Variants in ZNF57 observed in about 807,000 individuals in gnomAD.
The protein encoded by ZNF57 is zinc finger protein 57.
Under a neutral mutation model 13.4 loss-of-function variants are expected in ZNF57, and 11 were observed. The ratio of observed to expected loss-of-function variants is 0.82; its 90% CI spans 0.52 to 1.36. The LOEUF (loss-of-function observed/expected upper bound fraction) is 1.36. ZNF57 is among the 40% of genes most tolerant of loss of function. ZNF57 has a pLI of 0.00. For missense variants in ZNF57, 696 were observed against 667.5 expected (o/e 1.04, Z -0.47); for synonymous variants, 224 against 238.5 (o/e 0.94, Z 0.56).
Position 2,917,148 on chromosome 19 carries a change from C to A in ZNF57, c.527C>A (p.Ala176Asp), listed in dbSNP as rs375099567. 2.5e-6 allele frequency: 4 copies of A among 1,614,014 alleles called. No homozygotes were observed. Among genetic ancestry groups the A allele is most frequent in the African/African-American group, 1.3e-5 (1 of 74,906 alleles). The change falls in exon 4 of 4, where the codon GCC becomes GAC. Residue 176 changes from alanine to aspartate, a missense_variant. By Grantham distance (126) the Ala-to-Asp change is moderately radical. This residue lies in a region of ZNF57 where 645 missense variants were observed against 591.5 expected (regional missense o/e 1.09). Coordinates refer to ENST00000306908, the MANE Select transcript of ZNF57 (RefSeq NM_173480.3). ...CCTCCAGGTGAGGAATGTAAGCAGG[C>A]CTGCATTTGTCCCTCACACCTACAC... ...KAPPGEECKQ[A>D]CICPSHLHSH...
chr19:2,912,292 G>A (rs975425415), intron 1 of ZNF57: 3 of 152,216 alleles, frequency 2.0e-5, no homozygotes, highest in African/African-American at 7.2e-5. Context: ...ACCCCAACAG[G>A]TGAGGCTCTG....
Position 2,901,375 on chromosome 19 carries a change from G to T in ZNF57, c.3+327G>T, listed in dbSNP as rs965482394. ...GGGGACGGCAAGGGACGGTCAGCAGGTTGGGGATGTTACGCGTGTCCGTAT... is the reference window on the plus strand; with the variant it reads ...GGGGACGGCAAGGGACGGTCAGCAGTTTGGGGATGTTACGCGTGTCCGTAT... On this transcript the variant is annotated intron_variant, in intron 1 of 3. Coordinates refer to ENST00000306908, the MANE Select transcript of ZNF57 (RefSeq NM_173480.3). 4.6e-5 allele frequency among the ~76,000 whole-genome samples: 7 copies of T among 152,052 alleles called. No homozygotes were observed. In the South Asian group the frequency reaches 1.5e-3, roughly 32 times the overall value.
intron 1 of ZNF57, among the ~76,000 whole-genome samples, chr19:2,906,084 T>C (rs7508033): frequency 0.8 from 121,608 of 152,056 alleles, 49,501 homozygotes; most frequent in Non-Finnish European, 0.88. Flanking sequence ...GATATAAAAT[T>C]CCTCTGTTGC....
At chr19:2,915,477 T>G in intron 1 of ZNF57, 45 bp from the exon 2 acceptor site, 1 of 1,598,364 alleles carries the variant, frequency 6.3e-7, no homozygotes, top group Non-Finnish European at 8.5e-7. Flanking sequence ...CCCCAGTACT[T>G]TCAGTGTCTC....
At position 2,917,017 on chromosome 19, in the gene ZNF57, A is replaced by C. The variant is rs1278685687; in HGVS notation, c.396A>C (p.Lys132Asn). Residue 132 changes from lysine (K) to asparagine (N), a missense_variant, in exon 4 of 4, where the codon AAA (lysine) becomes AAC (asparagine). Physicochemically the swap from Lys to Asn is moderately conservative, Grantham distance 94. Around this residue, in one of 3 missense-constraint regions of ZNF57, gnomAD observed 645 missense variants for 591.5 expected, o/e 1.09. Coordinates refer to ENST00000306908, the MANE Select transcript of ZNF57 (RefSeq NM_173480.3). ...HQMPDLTLHK[K>N]VSAGEKPYEC... ...TGCCAGATCTTACCCTGCACAAGAA[A>C]GTTTCTGCTGGAGAAAAACCATATG... The C allele has an allele frequency of 2.5e-6, 4 of 1,614,202 alleles. No homozygotes were observed. Among genetic ancestry groups the C allele is most frequent in the East Asian group, 4.5e-5 (2 of 44,888 alleles).
At chr19:2,914,666 G>T (rs1045617732) in intron 1 of ZNF57, among the ~76,000 whole-genome samples, 8 of 152,316 alleles carry the variant, frequency 5.3e-5, no homozygotes, top group Middle Eastern at 3.4e-3. Context: ...AGGCTTATCA[G>T]ATGAGCTTCG....
At chr19:2,904,027 A>G (rs1220754057) in intron 1 of ZNF57, among the ~76,000 whole-genome samples, 1 of 152,106 alleles carries the variant, frequency 6.6e-6, no homozygotes, top group African/African-American at 2.4e-5. Context: ...TTCCTGGCTA[A>G]TTTTTATATT....
At position 2,917,440 on chromosome 19, in the gene ZNF57, A is replaced by C. The variant is rs199762670; in HGVS notation, c.819A>C (p.Thr273=). The change falls in exon 4 of 4, where the codon ACA becomes ACC. Residue 273 remains threonine, a synonymous_variant. Transcript: ENST00000306908. ...CGACATTTCAAAGACACATGACAAC[A>C]CACACTGGAGAGAAGCCCTATAAAT... ...YPSTFQRHMT[T]HTGEKPYKCQ... is the part of the protein sequence containing the mutation. The C allele has an allele frequency of 9.3e-6, 15 of 1,614,124 alleles. No homozygotes were observed. In the African/African-American group the frequency reaches 1.9e-4, roughly 20 times the overall value.
chr19:2,908,466 T>TG (rs1257821913), intron 1 of ZNF57, among the ~76,000 whole-genome samples: 10 of 147,288 alleles, frequency 6.8e-5, no homozygotes, highest in East Asian at 1.9e-4. Flanking sequence ...TTTTGGTTTT[T>TG]TTTTTTTTTT....
At chr19:2,908,888 T>G (rs748124154) in intron 1 of ZNF57, among the ~76,000 whole-genome samples, 5 of 135,380 alleles carry the variant, frequency 3.7e-5, no homozygotes, top group African/African-American at 1.4e-4. Context: ...TTCTTGACAT[T>G]TCGTATGTTG....
chr19:2,914,443 G>A (rs993401864), intron 1 of ZNF57, among the ~76,000 whole-genome samples: 7 of 151,980 alleles, frequency 4.6e-5, no homozygotes, highest in African/African-American at 1.2e-4. Flanking sequence ...TAGCAGAGAC[G>A]GGGGTTTCTC....
intron 1 of ZNF57, among the ~76,000 whole-genome samples, chr19:2,912,416 G>T (rs1440306986): frequency 6.6e-6 from 1 of 152,184 alleles, no homozygotes; most frequent in Non-Finnish European, 1.5e-5. Flanking sequence ...TGCTAACTCA[G>T]ACTTGGGCCC....
At position 2,917,482 on chromosome 19, in the gene ZNF57, A is replaced by G. The variant is rs746525948; in HGVS notation, c.861A>G (p.Lys287=). The change falls in exon 4 of 4, where the codon AAA becomes AAG. Residue 287 remains lysine (K), a synonymous_variant. Transcript: ENST00000306908. ...CCTATAAATGTCAGCACTGTGGGAA[A>G]GCCTTCACTTACCCCCAGGCTTTTC... The part of the protein sequence containing the change: ...EKPYKCQHCG[K]AFTYPQAFQR... The G allele has an allele frequency of 1.2e-6, 2 of 1,613,794 alleles. No individual in the cohort carries two copies. Among genetic ancestry groups the G allele is most frequent in the Non-Finnish European group, 1.7e-6 (2 of 1,179,824 alleles).
intron 1 of ZNF57, among the ~76,000 whole-genome samples, chr19:2,906,650 C>A (rs895544661): frequency 6.6e-6 from 1 of 152,204 alleles, no homozygotes; most frequent in South Asian, 2.1e-4. Flanking sequence ...TACCAGGGAG[C>A]GTCGTCCTGG....
chr19:2,910,570 C>T (rs2088122720), intron 1 of ZNF57, among the ~76,000 whole-genome samples: 1 of 103,954 alleles, frequency 9.6e-6, no homozygotes, highest in South Asian at 3.8e-4. Context: ...ACGCCATTCT[C>T]CTGCCTCAGC....
At chr19:2,903,117 G>A (rs1033901338) in intron 1 of ZNF57, among the ~76,000 whole-genome samples, 2 of 152,226 alleles carry the variant, frequency 1.3e-5, no homozygotes, top group African/African-American at 2.4e-5. Flanking sequence ...TGGGAAAGAC[G>A]ATTGTCCTGG....
At chr19:2,903,472 A>T (rs1476418153) in intron 1 of ZNF57, among the ~76,000 whole-genome samples, 1 of 152,042 alleles carries the variant, frequency 6.6e-6, no homozygotes, top group Non-Finnish European at 1.5e-5. Flanking sequence ...TCCGCCTCCC[A>T]AAGTGCTGGG....
At chr19:2,901,111 G>C (rs1404552202) in intron 1 of ZNF57, 63 bp downstream of exon 1, 45 of 1,414,918 alleles carry the variant, frequency 3.2e-5, no homozygotes, top group Non-Finnish European at 4.1e-5. Flanking sequence ...GCTGGAACCA[G>C]AGTCCGCCGA....
Position 2,917,165 on chromosome 19 carries a change from C to T in ZNF57, c.544C>T (p.His182Tyr), listed in dbSNP as rs1270030758. Residue 182 changes from histidine (H) to tyrosine (Y), a missense_variant, in exon 4 of 4, where the codon CAC becomes TAC. Physicochemically the swap from His to Tyr is moderately conservative, Grantham distance 83 (BLOSUM62 2). This residue lies in a region of ZNF57 where 645 missense variants were observed against 591.5 expected (regional missense o/e 1.09). Coordinates refer to ENST00000306908, the MANE Select transcript of ZNF57 (RefSeq NM_173480.3). ...ECKQACICPS[H>Y]LHSHGRTDTE... ...TAAGCAGGCCTGCATTTGTCCCTCACACCTACACAGTCACGGAAGAACTGA... is the reference window on the plus strand; with the variant it reads ...TAAGCAGGCCTGCATTTGTCCCTCATACCTACACAGTCACGGAAGAACTGA... The T allele has an allele frequency of 6.2e-7, 1 of 1,614,202 alleles. No individual in the cohort carries two copies. The highest frequency in any genetic ancestry group is 8.5e-7 in the Non-Finnish European group (1 of 1,180,030).
Sources: gnomAD v4.1 joint callset for allele counts (sites outside exome capture counted in the v4.1 genomes callset) on GRCh38, gnomAD v4.1.1 for gene constraint, gnomAD v4.1.1 regional missense constraint, MANE v1.5 for transcripts, NCBI Gene and HGNC (gene_info 2026-07-23, HGNC 2026-07-21) for gene names.